Variants in POU6F2 observed in about 807,000 individuals in gnomAD.
POU6F2 encodes the protein POU class 6 homeobox 2, also known as POU domain, class 6, transcription factor 2.
Under a neutral mutation model 71.3 loss-of-function variants are expected in POU6F2, and 31 were observed. The observed-to-expected ratio is 0.43, with a 90% CI of 0.33 to 0.59. The LOEUF is 0.59. Among genes scored for constraint, POU6F2 ranks in the 20% least tolerant of loss-of-function variants. POU6F2 has a pLI of 0.04. For missense variants in POU6F2, 783 were observed against 856.8 expected (o/e 0.91, Z 1.07); for synonymous variants, 347 against 355.7 (o/e 0.98, Z 0.27).
At chr7:39,282,471 AT>A (rs1226779217) in intron 4 of POU6F2, among the ~76,000 whole-genome samples, 5 of 152,022 alleles carry the variant, frequency 3.3e-5, no homozygotes, top group African/African-American at 1.2e-4. Flanking sequence ...GTGATGAGAG[AT>A]GGGGGTCTAG....
At chr7:39,050,841 A>G (rs1301735375) in intron 1 of POU6F2, among the ~76,000 whole-genome samples, 1 of 152,116 alleles carries the variant, frequency 6.6e-6, no homozygotes, top group Non-Finnish European at 1.5e-5. Context: ...GTTCTCATGA[A>G]AATTTGATAG....
At chr7:39,349,753 A>G (rs1562799347) in intron 5 of POU6F2, among the ~76,000 whole-genome samples, 1 of 152,188 alleles carries the variant, frequency 6.6e-6, no homozygotes, top group African/African-American at 2.4e-5. Context: ...AGACTCTCAG[A>G]ATCACTGGTG....
intron 4 of POU6F2, among the ~76,000 whole-genome samples, chr7:39,233,395 T>C (rs1456945314): frequency 6.6e-6 from 1 of 152,186 alleles, no homozygotes; most frequent in Non-Finnish European, 1.5e-5. Context: ...ATTAATTAAG[T>C]AATTAAGGTG....
chr7:39,355,001 T>A (rs776679291), intron 5 of POU6F2, among the ~76,000 whole-genome samples: 19 of 152,318 alleles, frequency 1.2e-4, no homozygotes, highest in Admixed American at 2.6e-4. Flanking sequence ...ATGTTTATAC[T>A]CTCTGCCCCC....
At chr7:39,320,926 T>A (rs562616847) in intron 4 of POU6F2, among the ~76,000 whole-genome samples, 1 of 152,182 alleles carries the variant, frequency 6.6e-6, no homozygotes, top group African/African-American at 2.4e-5. Flanking sequence ...CATGGTGGCA[T>A]GCACCTGTAG....
At position 39,043,689 on chromosome 7, in the gene POU6F2, C is replaced by T. The variant is rs554070499; in HGVS notation, c.106-42171C>T. 3.6e-4 allele frequency among the ~76,000 whole-genome samples: 55 copies of T among 152,016 alleles called. 1 individual carries two copies. The South Asian group carries it at 7.3e-3, about 20-fold the overall frequency. ...GATTCCTCAGGCTGTCTAGCATTTA[C>T]GGTTGTTCAGTAATCAAGGAGTTGT... On this transcript the variant is annotated intron_variant, in intron 1 of 9. Coordinates refer to ENST00000518318, the MANE Select transcript of POU6F2 (RefSeq NM_001370959.1).
chr7:39,295,168 A>ATATT (rs1784823703), intron 4 of POU6F2, among the ~76,000 whole-genome samples: 2 of 151,550 alleles, frequency 1.3e-5, no homozygotes, highest in South Asian at 4.1e-4. Flanking sequence ...TTTTTTCAAA[A>ATATT]TATTTAGTCC....
At chr7:39,128,093 G>A (rs1169080399) in intron 2 of POU6F2, among the ~76,000 whole-genome samples, 3 of 151,866 alleles carry the variant, frequency 2.0e-5, no homozygotes, top group East Asian at 1.9e-4. Flanking sequence ...CGCCCACCTC[G>A]GCCTCCCAAA....
intron 7 of POU6F2, among the ~76,000 whole-genome samples, chr7:39,449,674 A>G (rs1460805586): frequency 6.6e-6 from 1 of 152,196 alleles, no homozygotes; most frequent in Non-Finnish European, 1.5e-5. Context: ...TTTATTCATC[A>G]TAGCCCCAAA....
chr7:39,362,200 G>A (rs887735502), intron 5 of POU6F2, among the ~76,000 whole-genome samples: 1 of 150,846 alleles, frequency 6.6e-6, no homozygotes, highest in African/African-American at 2.4e-5. Flanking sequence ...ACATCTTGAA[G>A]TTTCTAGTCT....
At chr7:39,398,079 C>T (rs559605073) in intron 5 of POU6F2, among the ~76,000 whole-genome samples, 51 of 151,768 alleles carry the variant, frequency 3.4e-4, no homozygotes, top group African/African-American at 1.2e-3. Context: ...TCTAAAATTT[C>T]TACTCTTTTC....
At chr7:39,308,099 A>G (rs1467505436) in intron 4 of POU6F2, among the ~76,000 whole-genome samples, 1 of 152,170 alleles carries the variant, frequency 6.6e-6, no homozygotes, top group Non-Finnish European at 1.5e-5. Context: ...GTGCATATCC[A>G]TGTCCCAAAG....
chr7:39,345,762 A>G (rs553080643), intron 5 of POU6F2, among the ~76,000 whole-genome samples: 1 of 152,374 alleles, frequency 6.6e-6, no homozygotes, highest in Admixed American at 6.5e-5. Context: ...AGCCAAAGAA[A>G]ACTTTATTAC....
chr7:39,003,026 G>A (rs564971719), intron 1 of POU6F2, among the ~76,000 whole-genome samples: 7 of 152,254 alleles, frequency 4.6e-5, no homozygotes, highest in South Asian at 2.1e-4. Flanking sequence ...AGTTATCTTC[G>A]TTTCCGAATC....
At chr7:39,448,097 A>C (rs555535209) in intron 7 of POU6F2, among the ~76,000 whole-genome samples, 1 of 152,330 alleles carries the variant, frequency 6.6e-6, no homozygotes, top group South Asian at 2.1e-4. Flanking sequence ...AATCCCAGTG[A>C]TGTAGTGCTA....
chr7:39,144,490 T>C (rs891793511), intron 2 of POU6F2, among the ~76,000 whole-genome samples: 5 of 152,220 alleles, frequency 3.3e-5, no homozygotes, highest in African/African-American at 9.6e-5. Flanking sequence ...TCTATCACAA[T>C]TTTCATTCTC....
At chr7:39,434,686 A>G (rs1788193241) in intron 7 of POU6F2, among the ~76,000 whole-genome samples, 1 of 151,996 alleles carries the variant, frequency 6.6e-6, no homozygotes, top group Non-Finnish European at 1.5e-5. Flanking sequence ...ACAAAAAAAA[A>G]TGAGATTCAT....
At chr7:39,214,795 A>G (rs1216953879) in intron 4 of POU6F2, among the ~76,000 whole-genome samples, 1 of 152,190 alleles carries the variant, frequency 6.6e-6, no homozygotes, top group African/African-American at 2.4e-5. Context: ...GGTTCTATCA[A>G]TAGCTCTGTC....
intron 4 of POU6F2, among the ~76,000 whole-genome samples, chr7:39,242,518 TAA>T (rs1282122955): frequency 6.6e-6 from 1 of 152,034 alleles, no homozygotes; most frequent in Non-Finnish European, 1.5e-5. Flanking sequence ...TCTTTTTCAG[TAA>T]AGTGTCTAAA....
Sources: allele counts gnomAD v4.1 joint callset (sites outside exome capture counted in the v4.1 genomes callset), GRCh38; gene constraint gnomAD v4.1.1; transcripts MANE v1.5; gene names NCBI Gene and HGNC (gene_info 2026-07-23, HGNC 2026-07-21).